The following MYO3A variants were observed in gnomAD, a reference collection of about 807,000 sequenced individuals.
The protein encoded by MYO3A is myosin-IIIa.
A neutral mutation model predicts 192.7 loss-of-function variants in MYO3A; 180 were observed. That is an observed-to-expected ratio of 0.93 (90% CI 0.83 to 1.06). MYO3A has a LOEUF of 1.06. Among genes scored for constraint, MYO3A ranks in the 50% least tolerant of loss-of-function variants. The pLI, the probability that MYO3A is intolerant of heterozygous loss-of-function variation, is 0.00. For missense variants in MYO3A, 1,896 were observed against 1,905.0 expected (o/e 1.00, Z 0.09); for synonymous variants, 628 against 645.3 (o/e 0.97, Z 0.41).
intron 14 of MYO3A, among the ~76,000 whole-genome samples, chr10:26,075,278 T>G (rs897553521): frequency 1.3e-5 from 2 of 151,554 alleles, no homozygotes; most frequent in Non-Finnish European, 2.9e-5. Flanking sequence ...TTTTATTTAT[T>G]TTTTTTAATT....
chr10:25,936,332 A>G (rs1836062117), intron 2 of MYO3A, among the ~76,000 whole-genome samples: 1 of 152,134 alleles, frequency 6.6e-6, no homozygotes, highest in Non-Finnish European at 1.5e-5. Flanking sequence ...TGATAAATAA[A>G]TATTTGGAGG....
At position 26,096,631 on chromosome 10, in the gene MYO3A, C is replaced by G. The variant is rs201882363; in HGVS notation, c.1725C>G (p.Ser575=). 2.9e-5 allele frequency: 46 copies of G among 1,606,974 alleles called. No homozygotes were observed. Among genetic ancestry groups the G allele is most frequent in the Non-Finnish European group, 3.8e-5 (45 of 1,173,870 alleles). The change falls in exon 17 of 35, where the codon TCC becomes TCG. Residue 575 remains serine (S), a synonymous_variant. Coordinates refer to ENST00000642920, the MANE Select transcript of MYO3A (RefSeq NM_017433.5). Reference sequence around the variant, plus strand: ...TCATGAATAATAGTTTCTATAAATCCCAGTATGAATTAATTGAGCAATGTT... The same window carrying G: ...TCATGAATAATAGTTTCTATAAATCGCAGTATGAATTAATTGAGCAATGTT... ...QDIMNNSFYK[S]QYELIEQCFK... is the part of the protein sequence containing the mutation.
chr10:26,038,910 T>C (rs568687912), intron 10 of MYO3A, among the ~76,000 whole-genome samples: 1 of 152,356 alleles, frequency 6.6e-6, no homozygotes, highest in South Asian at 2.1e-4. Context: ...ATTTTTCACA[T>C]GGTTTTTGTC....
intron 14 of MYO3A, among the ~76,000 whole-genome samples, chr10:26,078,130 C>CTTTTTTTTTTTTT (rs57336459): frequency 0.022 from 2,712 of 120,794 alleles, 64 homozygotes; most frequent in Non-Finnish European, 0.029. Flanking sequence ...TGGTCCTGGA[C>CTTTTTTTTTTTTT]TTTTTTTTTT....
intron 4 of MYO3A, among the ~76,000 whole-genome samples, chr10:25,961,772 G>T (rs1220535511): frequency 1.3e-5 from 2 of 152,114 alleles, no homozygotes; most frequent in African/African-American, 2.4e-5. Flanking sequence ...AACATGAATG[G>T]TGCAGGTGCT....
At chr10:26,008,291 C>T (rs1376963756) in intron 6 of MYO3A, among the ~76,000 whole-genome samples, 2 of 148,098 alleles carry the variant, frequency 1.4e-5, no homozygotes, top group Non-Finnish European at 3.0e-5. Flanking sequence ...TAGAAGAAAA[C>T]CTAGGCATTA....
intron 9 of MYO3A, 68 bp downstream of exon 9, chr10:26,024,155 T>A: frequency 2.1e-6 from 3 of 1,415,022 alleles, no homozygotes; most frequent in South Asian, 1.2e-5. Flanking sequence ...CTCCTCCTAT[T>A]TCTTCTTATC....
intron 4 of MYO3A, among the ~76,000 whole-genome samples, chr10:25,993,015 G>T (rs1840156811): frequency 6.6e-6 from 1 of 152,130 alleles, no homozygotes; most frequent in Non-Finnish European, 1.5e-5. Flanking sequence ...GGATGATGCT[G>T]GCCTCATACA....
chr10:26,162,007 T>G (rs1241020121), intron 26 of MYO3A, among the ~76,000 whole-genome samples: 1 of 152,222 alleles, frequency 6.6e-6, no homozygotes, highest in Non-Finnish European at 1.5e-5. Flanking sequence ...GATTAATGGA[T>G]GAGCCCCTGA....
chr10:26,157,032 C>T (rs1320672761), intron 25 of MYO3A, among the ~76,000 whole-genome samples: 1 of 152,098 alleles, frequency 6.6e-6, no homozygotes, highest in Non-Finnish European at 1.5e-5. Context: ...ATAATTTTAT[C>T]TGTTAATTAA....
chr10:26,087,792 C>T (rs1459266798), intron 14 of MYO3A, among the ~76,000 whole-genome samples: 1 of 152,164 alleles, frequency 6.6e-6, no homozygotes, highest in Non-Finnish European at 1.5e-5. Flanking sequence ...AGTTATCTTT[C>T]CTCTCTTAGT....
chr10:26,130,996 A>C (rs887459617), intron 20 of MYO3A, among the ~76,000 whole-genome samples: 1 of 152,246 alleles, frequency 6.6e-6, no homozygotes, highest in African/African-American at 2.4e-5. Context: ...AGAGCTCCTT[A>C]GTTTAATAGA....
chr10:26,031,719 A>G (rs975923854), intron 10 of MYO3A, among the ~76,000 whole-genome samples: 6 of 152,210 alleles, frequency 3.9e-5, no homozygotes, highest in African/African-American at 1.4e-4. Context: ...GCTGGCCTCA[A>G]AATTCTGGGC....
At chr10:26,147,279 A>T in intron 22 of MYO3A, 151 bp from the exon 23 acceptor site, 1 of 643,768 alleles carries the variant, frequency 1.6e-6, no homozygotes, top group South Asian at 1.9e-5. Flanking sequence ...CCTTAAGATG[A>T]TAAGGGGCTA....
chr10:26,098,954 C>T (rs908737000), intron 17 of MYO3A, among the ~76,000 whole-genome samples: 1 of 152,134 alleles, frequency 6.6e-6, no homozygotes, highest in Non-Finnish European at 1.5e-5. Flanking sequence ...TGAAGAAAGT[C>T]ATTGGTAGCT....
rs779142843 is a variant in MYO3A at position 26,174,513 on chromosome 10, A to G, written c.4249A>G (p.Thr1417Ala). ...KKKDNKDSKA[T>A]SEREACGLAI... ...GAAGGATAACAAAGACTCGAAAGCA[A>G]CTTCAGAAAGAGAAGCATGTGGTTT... The change falls in exon 30 of 35, where the codon ACT (threonine) becomes GCT (alanine). Residue 1417 changes from threonine (T) to alanine (A), a missense_variant. By Grantham distance (58) the Thr-to-Ala change is moderately conservative. Coordinates refer to ENST00000642920, the MANE Select transcript of MYO3A (RefSeq NM_017433.5). 7.4e-6 allele frequency: 12 copies of G among 1,614,018 alleles called. No homozygotes were observed. The South Asian group carries it at 9.9e-5, about 13-fold the overall frequency.
At chr10:26,025,218 AAT>A (rs1842486808) in intron 9 of MYO3A, among the ~76,000 whole-genome samples, 1 of 152,168 alleles carries the variant, frequency 6.6e-6, no homozygotes, top group Admixed American at 6.6e-5. Flanking sequence ...ATTCCGGGGA[AAT>A]ATATTTTTGG....
Position 26,143,601 on chromosome 10 carries a change from G to A in MYO3A, c.2416G>A (p.Glu806Lys). Residue 806 changes from glutamate to lysine, a missense_variant and splice_region_variant, in exon 21 of 35, where the codon GAA becomes AAA. Transcript: ENST00000642920. ...CAAGGCCACTGACCAGACTCTTGTAGGTGAGTTTTCAGTCCAGTGTGTCTG... is the reference window on the plus strand; with the variant it reads ...CAAGGCCACTGACCAGACTCTTGTAAGTGAGTTTTCAGTCCAGTGTGTCTG... The part of the protein sequence containing the change: ...FPKATDQTLV[E>K]KFEGNLKSQY... 3.1e-6 allele frequency: 5 copies of A among 1,613,914 alleles called. No individual in the cohort carries two copies. Among genetic ancestry groups the A allele is most frequent in the Non-Finnish European group, 4.2e-6 (5 of 1,179,882 alleles).
At chr10:26,135,256 C>G (rs1194121844) in intron 20 of MYO3A, among the ~76,000 whole-genome samples, 2 of 151,986 alleles carry the variant, frequency 1.3e-5, no homozygotes, top group African/African-American at 4.8e-5. Context: ...AAAAGGTGCT[C>G]TTTCCTTCTT....
Sources: gnomAD v4.1 joint callset for allele counts (sites outside exome capture counted in the v4.1 genomes callset) on GRCh38, gnomAD v4.1.1 for gene constraint, MANE v1.5 for transcripts, NCBI Gene and HGNC (gene_info 2026-07-23, HGNC 2026-07-21) for gene names.